MYH15: variants seen among roughly 807,000 people sequenced by gnomAD.
MYH15 encodes the protein myosin heavy chain 15.
A neutral mutation model predicts 240.5 loss-of-function variants in MYH15; 227 were observed. The ratio of observed to expected loss-of-function variants is 0.94; its 90% CI spans 0.85 to 1.05. The LOEUF is 1.05. MYH15 is among the 50% of genes least tolerant of loss of function. The pLI, the probability that MYH15 is intolerant of heterozygous loss-of-function variation, is 0.00. For synonymous variants in MYH15, 785 were observed against 796.7 expected, an observed-to-expected ratio of 0.99 and a Z score of 0.25; for missense variants, 2,217 against 2,247.5, an observed-to-expected ratio of 0.99 and a Z score of 0.27.
chr3:108,505,907 T>C, intron 1 of MYH15, 78 bp from the exon 2 acceptor site: 1 of 884,286 alleles, frequency 1.1e-6, no homozygotes, highest in Non-Finnish European at 1.8e-6. Context: ...TTCATACTGA[T>C]AGATCTAATC....
At chr3:108,404,527 C>G (rs1237782881) in intron 33 of MYH15, among the ~76,000 whole-genome samples, 4 of 152,196 alleles carry the variant, frequency 2.6e-5, no homozygotes, top group African/African-American at 9.6e-5. Flanking sequence ...GCCTACTGAT[C>G]TTCCTCACCA....
intron 12 of MYH15, among the ~76,000 whole-genome samples, chr3:108,472,736 T>G (rs2083187511): frequency 1.3e-5 from 2 of 152,070 alleles, no homozygotes. Flanking sequence ...AGCCTGGAAA[T>G]GTAGGCAGTA....
chr3:108,391,152 A>C (rs905505007), intron 37 of MYH15, among the ~76,000 whole-genome samples: 15 of 152,152 alleles, frequency 9.9e-5, no homozygotes, highest in Non-Finnish European at 2.2e-4. Context: ...GAACAATTGA[A>C]TCCTAGTTGA....
At chr3:108,428,987 A>G (rs751084108) in intron 26 of MYH15, 106 bp from the exon 27 acceptor site, 5 of 1,152,174 alleles carry the variant, frequency 4.3e-6, no homozygotes, top group Non-Finnish European at 6.1e-6. Context: ...TTCCCAATTT[A>G]CAACTAAAGA....
chr3:108,427,768 A>G (rs1239765617), intron 27 of MYH15, among the ~76,000 whole-genome samples: 2 of 152,170 alleles, frequency 1.3e-5, no homozygotes, highest in African/African-American at 2.4e-5. Flanking sequence ...CATTTTTCTA[A>G]CCATAGTCCA....
intron 12 of MYH15, among the ~76,000 whole-genome samples, chr3:108,472,355 C>T (rs1186789443): frequency 6.6e-6 from 1 of 152,234 alleles, no homozygotes; most frequent in African/African-American, 2.4e-5. Flanking sequence ...AGACCTATCA[C>T]ATCCATCCTT....
At chr3:108,513,075 G>C (rs962527172), upstream of MYH15, among the ~76,000 whole-genome samples, 2 of 152,034 alleles carry the variant, frequency 1.3e-5, no homozygotes, top group African/African-American at 4.8e-5. Flanking sequence ...TAACACACTT[G>C]TCACAGCCCA....
intron 37 of MYH15, among the ~76,000 whole-genome samples, chr3:108,389,881 A>G (rs4855649): frequency 0.9 from 136,827 of 152,120 alleles, 62,291 homozygotes; most frequent in Non-Finnish European, 0.96. Context: ...CCTTCTTGAG[A>G]ACGGGAAGGC....
intron 22 of MYH15, among the ~76,000 whole-genome samples, chr3:108,441,951 T>C (rs1186401904): frequency 6.6e-6 from 1 of 152,216 alleles, no homozygotes; most frequent in Non-Finnish European, 1.5e-5. Flanking sequence ...TGACCCATTG[T>C]TTCTGTGTTA....
the MYH15 span, among the ~76,000 whole-genome samples, chr3:108,544,286 G>T: frequency 6.6e-6 from 1 of 152,012 alleles, no homozygotes; most frequent in Non-Finnish European, 1.5e-5. Context: ...ACTTACAGTT[G>T]GTAAAATTAA....
chr3:108,398,327 G>A (rs1041984053), intron 35 of MYH15, among the ~76,000 whole-genome samples: 3 of 152,188 alleles, frequency 2.0e-5, no homozygotes, highest in African/African-American at 2.4e-5. Flanking sequence ...AAGGGGCAAG[G>A]AAGGATTTCC....
At chr3:108,411,527 T>C (rs1274549226) in intron 30 of MYH15, among the ~76,000 whole-genome samples, 1 of 152,228 alleles carries the variant, frequency 6.6e-6, no homozygotes, top group Non-Finnish European at 1.5e-5. Context: ...GGTCCTACTG[T>C]TCTTATGGGG....
intron 14 of MYH15, among the ~76,000 whole-genome samples, chr3:108,469,038 TC>T (rs1293073802): frequency 1.3e-5 from 2 of 152,188 alleles, no homozygotes; most frequent in Admixed American, 6.5e-5. Flanking sequence ...AGCCTGTCTT[TC>T]CCCCAGGAAG....
chr3:108,457,432 A>G lies in MYH15; in HGVS notation c.2021-549T>C, dbSNP rs532798765. Among the ~76,000 whole-genome samples the G allele has an allele frequency of 5.3e-4, 80 of 152,244 alleles. 1 individual carries two copies. Among genetic ancestry groups the G allele is most frequent in the Admixed American group, 5.2e-3 (80 of 15,300 alleles). The stretch of plus-strand genomic sequence containing the variant: ...ATTTTCATGAGAGTGCCTAAATTCT[A>G]TTCTGTAGTATAAGCATCCTTCTGT... On this transcript the variant is annotated intron_variant, in intron 18 of 40. Transcript: ENST00000693548.
intron 31 of MYH15, 40 bp from the exon 32 acceptor site, chr3:108,408,444 C>A: frequency 6.3e-7 from 1 of 1,578,132 alleles, no homozygotes; most frequent in Admixed American, 1.8e-5. Context: ...AGTGAATGGG[C>A]TCAGTCTCAA....
At chr3:108,465,708 C>T (rs1420363142) in intron 14 of MYH15, among the ~76,000 whole-genome samples, 5 of 152,144 alleles carry the variant, frequency 3.3e-5, no homozygotes, top group Non-Finnish European at 5.9e-5. Context: ...GGGCAGATCA[C>T]CTGAGATCAG....
intron 5 of MYH15, among the ~76,000 whole-genome samples, chr3:108,498,806 G>A (rs1410259556): frequency 2.0e-5 from 3 of 152,184 alleles, no homozygotes; most frequent in South Asian, 4.1e-4. Flanking sequence ...AGCCAATGGA[G>A]AGCCCAATGT....
In MYH15 at chr3:108,399,201, A is replaced by G. The variant is rs2082486354; in HGVS notation, c.4803T>C (p.Ile1601=). The change falls in exon 34 of 41, where the codon ATT becomes ATC. Residue 1601 remains isoleucine (I), a synonymous_variant. Transcript: ENST00000693548. Reference sequence around the variant, plus strand: ...TCTTCTTCTTCAGCCGGGTAACCTCAATTCTGCTCTTAGCTTCAGAATCCA... The same window carrying G: ...TCTTCTTCTTCAGCCGGGTAACCTCGATTCTGCTCTTAGCTTCAGAATCCA... ...SSLDSEAKSR[I]EVTRLKKKME... The G allele has an allele frequency of 6.2e-7, 1 of 1,614,184 alleles. No homozygotes were observed. Among genetic ancestry groups the G allele is most frequent in the Non-Finnish European group, 8.5e-7 (1 of 1,180,022 alleles).
chr3:108,513,484 C>T (rs1247856247), upstream of MYH15, among the ~76,000 whole-genome samples: 8 of 152,184 alleles, frequency 5.3e-5, no homozygotes, highest in African/African-American at 1.7e-4. Flanking sequence ...TGCCTTTGAA[C>T]ATTCAGGAGC....
Sources: allele counts gnomAD v4.1 joint callset (sites outside exome capture counted in the v4.1 genomes callset), GRCh38; gene constraint gnomAD v4.1.1; transcripts MANE v1.5; gene names NCBI Gene and HGNC (gene_info 2026-07-23, HGNC 2026-07-21).